The following DIPK1A variants were observed in gnomAD, a reference collection of about 807,000 sequenced individuals.
DIPK1A encodes divergent protein kinase domain 1A.
In DIPK1A, 27 loss-of-function variants were observed where a neutral mutation model predicts 40.8. The observed-to-expected ratio is 0.66, with a 90% CI of 0.49 to 0.91. The LOEUF is 0.91. Among genes scored for constraint, DIPK1A ranks in the 40% least tolerant of loss-of-function variants. The pLI is 0.00. For synonymous variants in DIPK1A, 166 were observed against 171.3 expected, an observed-to-expected ratio of 0.97 and a Z score of 0.24; for missense variants, 412 against 505.7, an observed-to-expected ratio of 0.81 and a Z score of 1.78.
chr1:92,921,365 A>C (rs1279435624), intron 1 of DIPK1A, among the ~76,000 whole-genome samples: 3 of 152,212 alleles, frequency 2.0e-5, no homozygotes, highest in Non-Finnish European at 4.4e-5. Flanking sequence ...AGCCCAAAGG[A>C]GAGAACACAA....
At chr1:92,845,567 G>C (rs1215730824) in intron 4 of DIPK1A, 1 of 328,444 alleles carries the variant, frequency 3.0e-6, no homozygotes. Context: ...TGCTGGATGC[G>C]GTGGCTCACG....
chr1:92,918,644 C>T (rs958791119), intron 1 of DIPK1A, among the ~76,000 whole-genome samples: 2 of 152,164 alleles, frequency 1.3e-5, no homozygotes, highest in African/African-American at 4.8e-5. Context: ...TGTGCTTATA[C>T]CCCACCTTTA....
At chr1:92,873,347 C>T (rs762794324) in intron 2 of DIPK1A, among the ~76,000 whole-genome samples, 3 of 152,104 alleles carry the variant, frequency 2.0e-5, no homozygotes, top group Non-Finnish European at 2.9e-5. Flanking sequence ...GGGTGTGGTG[C>T]CTTACGCCTG....
At chr1:92,866,457 T>C (rs78658730) in intron 2 of DIPK1A, among the ~76,000 whole-genome samples, 2,840 of 152,280 alleles carry the variant, frequency 0.019, 114 homozygotes, top group African/African-American at 0.064. Context: ...CACTATTCTA[T>C]CTAAAATAAT....
intron 4 of DIPK1A, 60 bp from the exon 5 acceptor site, chr1:92,844,255 T>A: frequency 9.5e-7 from 1 of 1,052,288 alleles, no homozygotes; most frequent in East Asian, 2.6e-5. Flanking sequence ...TGCAACATAC[T>A]AAGTTTCTTT....
At chr1:92,902,052 G>A (rs1270756865) in intron 1 of DIPK1A, among the ~76,000 whole-genome samples, 1 of 152,074 alleles carries the variant, frequency 6.6e-6, no homozygotes, top group Non-Finnish European at 1.5e-5. Context: ...GACGCGGGAG[G>A]GCAGTGTGTG....
chr1:92,926,718 T>C (rs1650527746), intron 1 of DIPK1A, among the ~76,000 whole-genome samples: 1 of 152,246 alleles, frequency 6.6e-6, no homozygotes, highest in Non-Finnish European at 1.5e-5. Flanking sequence ...GGATTATGTC[T>C]TTCTGATATA....
At chr1:92,879,387 A>G (rs1281718909) in intron 1 of DIPK1A, among the ~76,000 whole-genome samples, 1 of 152,168 alleles carries the variant, frequency 6.6e-6, no homozygotes, top group Non-Finnish European at 1.5e-5. Flanking sequence ...TCTTTTCTCT[A>G]CCTATCAAAT....
At chr1:92,858,713 A>G (rs1571063881) in intron 2 of DIPK1A, among the ~76,000 whole-genome samples, 1 of 152,228 alleles carries the variant, frequency 6.6e-6, no homozygotes, top group African/African-American at 2.4e-5. Flanking sequence ...TCAAAGAGGC[A>G]GTTACAATGA....
chr1:92,933,102 AT>A (rs1013219838), intron 1 of DIPK1A: 1 of 152,172 alleles, frequency 6.6e-6, no homozygotes, highest in Non-Finnish European at 1.5e-5. Context: ...ATTAAAGTAT[AT>A]TTTTTAAAAT....
At chr1:92,900,122 T>C (rs1649346575) in intron 1 of DIPK1A, among the ~76,000 whole-genome samples, 1 of 152,232 alleles carries the variant, frequency 6.6e-6, no homozygotes, top group Non-Finnish European at 1.5e-5. Context: ...GTTGAATCTT[T>C]GAGCTTCCTT....
intron 1 of DIPK1A, chr1:92,931,117 T>C (rs1650730154): frequency 1.3e-5 from 2 of 152,134 alleles, no homozygotes; most frequent in African/African-American, 2.4e-5. Flanking sequence ...ATTAATAGAT[T>C]TATTATTTAG....
In DIPK1A at chr1:92,843,899, C is replaced by G. The variant is rs1687485033; in HGVS notation, c.771G>C (p.Met257Ile). Residue 257 changes from methionine to isoleucine, a missense_variant, in exon 5 of 5, where the codon ATG becomes ATC. By Grantham distance (10) the Met-to-Ile change is conservative. Transcript: ENST00000370310. ...LFIPSGFRRS[M>I]DQLFTPSWPR... is the part of the protein sequence containing the mutation. ...GCCATGATGGTGTGAACAGCTGATC[C>G]ATGCTTCTTCTGAACCCAGATGGAA... 3 of 1,551,748 alleles carry G rather than the reference C, an allele frequency of 1.9e-6. No homozygotes were observed. In the African/African-American group the frequency reaches 4.1e-5, roughly 21 times the overall value.
Position 92,961,361 on chromosome 1 carries a change from C to T in DIPK1A, c.54+15G>A. ...GGTGCTCCCGCAGCTGGTGGCTGGG[C>T]GGCCGCCGGCCTACCTGGAGGTAAT... On this transcript the variant is annotated intron_variant, in intron 1 of 4. Coordinates refer to ENST00000370310, the MANE Select transcript of DIPK1A (RefSeq NM_001006605.5). 2 of 1,499,764 alleles carry T rather than the reference C, an allele frequency of 1.3e-6. No homozygotes were observed. Among genetic ancestry groups the T allele is most frequent in the Non-Finnish European group, 1.8e-6 (2 of 1,119,222 alleles). 92.9% of individuals were successfully genotyped at this position (1,499,764 alleles called of 1,614,324 possible).
intron 1 of DIPK1A, among the ~76,000 whole-genome samples, chr1:92,893,697 C>T (rs1482495887): frequency 6.6e-6 from 1 of 151,532 alleles, no homozygotes; most frequent in Non-Finnish European, 1.5e-5. Context: ...AATTAAAAGA[C>T]ACAGACTGGC....
At chr1:92,942,851 G>C (rs1386282410) in intron 1 of DIPK1A, among the ~76,000 whole-genome samples, 1 of 152,048 alleles carries the variant, frequency 6.6e-6, no homozygotes, top group Non-Finnish European at 1.5e-5. Flanking sequence ...TTTTAGTAGA[G>C]ACGGGGTTTC....
intron 4 of DIPK1A, among the ~76,000 whole-genome samples, chr1:92,844,940 CTTTTT>C (rs71094206): frequency 1.1e-5 from 1 of 94,078 alleles, no homozygotes; most frequent in Non-Finnish European, 2.0e-5. Context: ...ATTAGTATTT[CTTTTT>C]TTTTTTTTTT....
chr1:92,841,092 C>T (rs187936081), downstream of DIPK1A, among the ~76,000 whole-genome samples: 19 of 152,258 alleles, frequency 1.2e-4, no homozygotes, highest in African/African-American at 4.3e-4. Flanking sequence ...GTGAAATGTA[C>T]GATATTCTAT....
intron 1 of DIPK1A, among the ~76,000 whole-genome samples, chr1:92,915,282 G>A (rs1650009434): frequency 6.6e-6 from 1 of 152,042 alleles, no homozygotes; most frequent in Non-Finnish European, 1.5e-5. Flanking sequence ...AGGACAAAAT[G>A]GCATGCCCTA....
Sources: allele counts gnomAD v4.1 joint callset (sites outside exome capture counted in the v4.1 genomes callset), GRCh38; gene constraint gnomAD v4.1.1; transcripts MANE v1.5; gene names NCBI Gene and HGNC (gene_info 2026-07-23, HGNC 2026-07-21).